Variants in RAB37 observed in about 807,000 individuals in gnomAD.
RAB37 encodes ras-related protein Rab-37.
Under a neutral mutation model 33.1 loss-of-function variants are expected in RAB37, and 29 were observed. The ratio of observed to expected loss-of-function variants is 0.88; its 90% CI spans 0.65 to 1.20. The LOEUF (loss-of-function observed/expected upper bound fraction) is 1.20. Among genes scored for constraint, RAB37 ranks in the 50% most tolerant of loss-of-function variants. The pLI, the probability that RAB37 is intolerant of heterozygous loss-of-function variation, is 0.00. For missense variants in RAB37, 299 were observed against 301.1 expected (o/e 0.99, Z 0.05); for synonymous variants, 128 against 119.5 (o/e 1.07, Z -0.47).
At chr17:74,706,991 A>G (rs886862377) in intron 1 of RAB37, among the ~76,000 whole-genome samples, 6 of 152,238 alleles carry the variant, frequency 3.9e-5, no homozygotes, top group Non-Finnish European at 8.8e-5. Context: ...ATCAACTCAC[A>G]ATAGAGAAGA....
At position 74,671,209 on chromosome 17, in the gene RAB37, G is replaced by T. The variant is rs2031696266; in HGVS notation, c.-378G>T. ...CCCTGAGAACGCAGCCGGGTGCTGA[G>T]CCTCCGGAGTCCGGTAGCTGAATGA... On this transcript the variant is annotated 5_prime_UTR_variant, in exon 1 of 8. Coordinates refer to the RAB37 transcript ENST00000340415. The surrounding 1 kb of genome is among the most constrained non-coding windows in gnomAD (Gnocchi z 5.0). The T allele has an allele frequency of 4.5e-6, 1 of 220,392 alleles. No individual in the cohort carries two copies. The highest frequency in any genetic ancestry group is 9.2e-6 in the Non-Finnish European group (1 of 108,362). 13.7% of individuals were successfully genotyped at this position (220,392 alleles called of 1,614,324 possible).
chr17:74,728,435 G>C (rs2034334857), intron 1 of RAB37, among the ~76,000 whole-genome samples: 2 of 151,248 alleles, frequency 1.3e-5, no homozygotes. Context: ...TGTATGTTTT[G>C]TGTGTTTGTG....
chr17:74,679,971 C>G (rs1203995029), intron 1 of RAB37, among the ~76,000 whole-genome samples: 1 of 79,230 alleles, frequency 1.3e-5, no homozygotes, highest in Non-Finnish European at 2.8e-5. Context: ...CAGCAAGGCT[C>G]TGTCTCAAAA....
rs1034373966 is a variant in RAB37, at chr17:74,709,765, G to T, written c.73-19491G>T. ...GTATTTTTTTTTTTGGAGAGACAAG[G>T]TCTCACTTTGTTGCCCAAGCTGGTC... On this transcript the variant is annotated intron_variant, in intron 1 of 7. Transcript: ENST00000340415. Among the ~76,000 whole-genome samples the T allele has an allele frequency of 7.9e-5, 12 of 151,944 alleles. No homozygotes were observed. The East Asian group carries it at 1.2e-3, about 15-fold the overall frequency.
Position 74,705,497 on chromosome 17 carries a change from G to A in RAB37, c.73-23759G>A, listed in dbSNP as rs2033432618. The A allele has an allele frequency of 8.4e-6, 4 of 474,886 alleles. No individual in the cohort carries two copies. In the East Asian group the frequency reaches 1.2e-4, roughly 15 times the overall value. 29.4% of individuals were successfully genotyped at this position (474,886 alleles called of 1,614,324 possible). A position where few individuals can be genotyped will look rare whatever the true frequency, so the allele number is the denominator to read the frequency against. On this transcript the variant is annotated intron_variant, in intron 1 of 7. Coordinates refer to the RAB37 transcript ENST00000340415. ...CATTGATCTATTTGTCCACCTTTCTGCCAATCCTACATTCTCCTGATTACT... is the reference window on the plus strand; with the variant it reads ...CATTGATCTATTTGTCCACCTTTCTACCAATCCTACATTCTCCTGATTACT...
chr17:74,698,616 T>C, intron 1 of RAB37: 1 of 1,483,248 alleles, frequency 6.7e-7, no homozygotes, highest in Non-Finnish European at 9.0e-7. Flanking sequence ...CTGGGAACCC[T>C]CACTCCTGGG....
intron 1 of RAB37, among the ~76,000 whole-genome samples, chr17:74,706,730 A>G (rs2033552814): frequency 6.6e-6 from 1 of 152,208 alleles, no homozygotes; most frequent in Admixed American, 6.5e-5. Flanking sequence ...CGGCGCGGAC[A>G]GAGGGCCTCA....
chr17:74,701,004 T>C (rs1320517194), intron 1 of RAB37, among the ~76,000 whole-genome samples: 1 of 151,902 alleles, frequency 6.6e-6, no homozygotes, highest in Non-Finnish European at 1.5e-5. Flanking sequence ...CGTGAACACA[T>C]AGGAAAAAGA....
At chr17:74,708,602 A>G (rs903112108) in intron 1 of RAB37, among the ~76,000 whole-genome samples, 2 of 152,188 alleles carry the variant, frequency 1.3e-5, no homozygotes, top group African/African-American at 4.8e-5. Flanking sequence ...CAAACACCCA[A>G]AATGGTTTTT....
chr17:74,678,146 C>A (rs755659544), intron 1 of RAB37, among the ~76,000 whole-genome samples: 4 of 152,174 alleles, frequency 2.6e-5, no homozygotes, highest in African/African-American at 7.2e-5. Flanking sequence ...GAGAAACAGT[C>A]TGTAGAGACT....
At chr17:74,715,002 A>G (rs569521317) in intron 1 of RAB37, among the ~76,000 whole-genome samples, 47 of 152,298 alleles carry the variant, frequency 3.1e-4, no homozygotes, top group African/African-American at 1.0e-3. Flanking sequence ...GGTGCTTATA[A>G]TCCCAGCTAC....
intron 1 of RAB37, among the ~76,000 whole-genome samples, chr17:74,687,775 GA>G (rs2032083714): frequency 6.6e-6 from 1 of 152,138 alleles, no homozygotes; most frequent in Admixed American, 6.6e-5. Flanking sequence ...AGATGTGATG[GA>G]GCGGGTCCAT....
intron 5 of RAB37, among the ~76,000 whole-genome samples, chr17:74,743,655 G>GA (rs1445678893): frequency 6.6e-6 from 1 of 152,098 alleles, no homozygotes; most frequent in Non-Finnish European, 1.5e-5. Context: ...GAGACCAAGG[G>GA]AAAAACACAA....
intron 1 of RAB37, among the ~76,000 whole-genome samples, chr17:74,716,994 G>T (rs2034173094): frequency 6.6e-6 from 1 of 152,172 alleles, no homozygotes; most frequent in South Asian, 2.1e-4. Context: ...AATTAGCTTG[G>T]CATGGTGATA....
chr17:74,717,808 T>TAA (rs34747683), intron 1 of RAB37, among the ~76,000 whole-genome samples: 10,484 of 91,852 alleles, frequency 0.11, 536 homozygotes, highest in East Asian at 0.17. Context: ...AAACTCCATC[T>TAA]AAAAAAAAAA....
At chr17:74,714,327 A>G (rs1348180207) in intron 1 of RAB37, among the ~76,000 whole-genome samples, 1 of 151,926 alleles carries the variant, frequency 6.6e-6, no homozygotes, top group Non-Finnish European at 1.5e-5. Flanking sequence ...TCGAAACTGC[A>G]GTGAGCTATG....
chr17:74,737,258 C>A lies in RAB37; in HGVS notation c.-15C>A. The A allele has an allele frequency of 6.4e-7, 1 of 1,554,694 alleles. No individual in the cohort carries two copies. The highest frequency in any genetic ancestry group is 2.3e-5 in the East Asian group (1 of 42,938). ...TCGCCTGCGGGCCGGCACTGCTCAC[C>A]TCTCGTCCAGGGACATGACGGGCAC... On this transcript the variant is annotated 5_prime_UTR_variant, in exon 1 of 9. Transcript: ENST00000392613.
intron 1 of RAB37, among the ~76,000 whole-genome samples, chr17:74,684,649 G>T (rs940882431): frequency 6.6e-6 from 1 of 151,904 alleles, no homozygotes; most frequent in Admixed American, 6.6e-5. Context: ...AGTTAGTCGC[G>T]CATGGTGGCG....
At chr17:74,672,441 T>C (rs2031727183) in intron 1 of RAB37, among the ~76,000 whole-genome samples, 1 of 152,222 alleles carries the variant, frequency 6.6e-6, no homozygotes, top group Non-Finnish European at 1.5e-5. Context: ...ATAATGCCAG[T>C]TCACCTGCTA....
Sources: gnomAD v4.1 joint callset for allele counts (sites outside exome capture counted in the v4.1 genomes callset) on GRCh38, gnomAD v4.1.1 for gene constraint, Gnocchi (gnomAD v3.1) non-coding constraint, MANE v1.5 for transcripts, NCBI Gene and HGNC (gene_info 2026-07-23, HGNC 2026-07-21) for gene names.